The following CCDC148 variants were observed in gnomAD, a reference collection of about 807,000 sequenced individuals.
CCDC148 encodes coiled-coil domain-containing protein 148.
In CCDC148, 89 loss-of-function variants were observed where a neutral mutation model predicts 85.7. The ratio of observed to expected loss-of-function variants is 1.04; its 90% CI spans 0.87 to 1.24. The LOEUF (loss-of-function observed/expected upper bound fraction) is 1.24, where lower values mean the gene tolerates loss of function less well. Ranked by LOEUF, CCDC148 falls within the 50% of genes most tolerant of loss-of-function variation. CCDC148 has a pLI of 0.00. For synonymous variants in CCDC148, 230 were observed against 213.9 expected (o/e 1.08, Z -0.66); for missense variants, 692 against 671.7 (o/e 1.03, Z -0.33).
At chr2:158,228,936 G>C (rs1687707180) in intron 10 of CCDC148, among the ~76,000 whole-genome samples, 1 of 147,524 alleles carries the variant, frequency 6.8e-6, no homozygotes, top group African/African-American at 2.5e-5. Flanking sequence ...TTGTGCACAT[G>C]TACCATAAAA....
Position 158,305,513 on chromosome 2 carries a change from A to G in CCDC148, c.1110+3920T>C, listed in dbSNP as rs986416386. The stretch of plus-strand genomic sequence containing the variant: ...GCAATCTCCGTGCTTTGGGAAGCCA[A>G]CGCAGGAAGATTGCTTGAGGCCAGA... On this transcript the variant is annotated intron_variant, in intron 9 of 13. Transcript: ENST00000283233. Among the ~76,000 whole-genome samples the G allele has an allele frequency of 3.9e-4, 60 of 152,156 alleles. 2 individuals carry two copies. The highest frequency in any genetic ancestry group is 2.6e-4 in the Non-Finnish European group (18 of 68,024).
At chr2:158,343,508 T>C (rs1228676391) in intron 3 of CCDC148, among the ~76,000 whole-genome samples, 6 of 152,160 alleles carry the variant, frequency 3.9e-5, no homozygotes, top group African/African-American at 1.2e-4. Flanking sequence ...AATTGTGGCT[T>C]TTGCCCAACC....
chr2:158,195,939 G>T (rs1685648601), intron 11 of CCDC148, among the ~76,000 whole-genome samples: 1 of 152,070 alleles, frequency 6.6e-6, no homozygotes, highest in African/African-American at 2.4e-5. Context: ...TAGCACATCA[G>T]GTCTGTAACA....
chr2:158,351,586 G>T (rs576063027), intron 2 of CCDC148, among the ~76,000 whole-genome samples: 1 of 152,238 alleles, frequency 6.6e-6, no homozygotes, highest in Non-Finnish European at 1.5e-5. Context: ...TGCCCACGGA[G>T]TCTTGCTGAT....
At chr2:158,402,594 G>C (rs1275260087) in intron 1 of CCDC148, among the ~76,000 whole-genome samples, 1 of 151,950 alleles carries the variant, frequency 6.6e-6, no homozygotes, top group East Asian at 1.9e-4. Flanking sequence ...TTATAATGTG[G>C]TATACTTCCA....
intron 9 of CCDC148, among the ~76,000 whole-genome samples, chr2:158,273,911 G>A (rs974567382): frequency 2.6e-5 from 4 of 152,078 alleles, no homozygotes; most frequent in African/African-American, 4.8e-5. Context: ...GGATTCCAAC[G>A]TCAGCCACCG....
chr2:158,294,975 G>GC (rs1442799164), intron 9 of CCDC148, among the ~76,000 whole-genome samples: 1 of 151,928 alleles, frequency 6.6e-6, no homozygotes, highest in Non-Finnish European at 1.5e-5. Flanking sequence ...AATACTAATA[G>GC]CCCCCTGTGG....
At chr2:158,397,205 G>T (rs1383976036) in intron 1 of CCDC148, among the ~76,000 whole-genome samples, 1 of 151,934 alleles carries the variant, frequency 6.6e-6, no homozygotes, top group Admixed American at 6.6e-5. Flanking sequence ...CTATGGCATG[G>T]GGAGGATAAG....
intron 9 of CCDC148, among the ~76,000 whole-genome samples, chr2:158,252,462 T>C (rs1688832988): frequency 6.6e-6 from 1 of 151,728 alleles, no homozygotes; most frequent in African/African-American, 2.4e-5. Flanking sequence ...ATCTTTCACT[T>C]GCTACAATTA....
rs779360917 is a variant in CCDC148 at position 158,178,935 on chromosome 2, G to A, written c.1432C>T (p.Gln478Ter). 2 of 1,613,562 alleles carry A rather than the reference G, an allele frequency of 1.2e-6. No individual in the cohort carries two copies. The highest frequency in any genetic ancestry group is 8.5e-7 in the Non-Finnish European group (1 of 1,179,780). ...CTCTCTTTGTCTTCATGAGCTTCTT[G>A]AAGGGCCACTTCCTTTTTCTCCATC... The part of the protein sequence containing the change: ...RLMEKKEVAL[Q>*]EAHEDKERAR... The change falls in exon 12 of 14, where the codon CAA becomes TAA. Residue 478 changes from glutamine to a stop codon, truncating the protein, a stop_gained. Transcript: ENST00000283233. LOFTEE classifies it high-confidence loss of function.
At chr2:158,200,674 C>A (rs1230438230) in intron 11 of CCDC148, among the ~76,000 whole-genome samples, 2 of 152,204 alleles carry the variant, frequency 1.3e-5, no homozygotes, top group Non-Finnish European at 2.9e-5. Flanking sequence ...ATGAGGCACA[C>A]TGTCAGTTTG....
At chr2:158,195,882 C>T (rs1215219274) in intron 11 of CCDC148, among the ~76,000 whole-genome samples, 1 of 152,150 alleles carries the variant, frequency 6.6e-6, no homozygotes, top group Non-Finnish European at 1.5e-5. Context: ...TAGGATCTCA[C>T]TTCTGAATTT....
intron 9 of CCDC148, among the ~76,000 whole-genome samples, chr2:158,296,890 G>A (rs959547953): frequency 5.3e-5 from 8 of 152,150 alleles, no homozygotes; most frequent in Admixed American, 2.6e-4. Flanking sequence ...CTGTATAGAC[G>A]AAATGCCATC....
At chr2:158,340,189 G>A (rs1205275955) in intron 5 of CCDC148, 53 bp downstream of exon 5, 11 of 1,558,088 alleles carry the variant, frequency 7.1e-6, no homozygotes, top group Admixed American at 3.5e-5. Context: ...AACTCTTCTA[G>A]TTGGGACAAA....
At chr2:158,369,892 T>C (rs1559104617) in intron 1 of CCDC148, among the ~76,000 whole-genome samples, 1 of 152,182 alleles carries the variant, frequency 6.6e-6, no homozygotes, top group Non-Finnish European at 1.5e-5. Flanking sequence ...GGATGTTGAA[T>C]TTTATCGAAG....
chr2:158,248,025 G>A (rs1345747067), intron 10 of CCDC148, among the ~76,000 whole-genome samples: 5 of 152,060 alleles, frequency 3.3e-5, no homozygotes, highest in Non-Finnish European at 7.4e-5. Context: ...TAGGTTTTAA[G>A]CCCTGCATGC....
At chr2:158,361,740 T>A (rs1239154065) in intron 1 of CCDC148, among the ~76,000 whole-genome samples, 3 of 152,032 alleles carry the variant, frequency 2.0e-5, no homozygotes, top group Non-Finnish European at 2.9e-5. Context: ...GTAAAGACCA[T>A]CAGCACTACG....
At chr2:158,331,854 G>T (rs1452017824) in intron 7 of CCDC148, among the ~76,000 whole-genome samples, 1 of 152,086 alleles carries the variant, frequency 6.6e-6, no homozygotes, top group Non-Finnish European at 1.5e-5. Context: ...TTTTCCATTT[G>T]CTTGGTAGAT....
At chr2:158,319,189 C>G (rs1487098227) in intron 7 of CCDC148, among the ~76,000 whole-genome samples, 1 of 152,190 alleles carries the variant, frequency 6.6e-6, no homozygotes, top group African/African-American at 2.4e-5. Context: ...GCTCCCACCC[C>G]TGCTCCTGCC....
Sources: gnomAD v4.1 joint callset for allele counts (sites outside exome capture counted in the v4.1 genomes callset) on GRCh38, gnomAD v4.1.1 for gene constraint, MANE v1.5 for transcripts, NCBI Gene and HGNC (gene_info 2026-07-23, HGNC 2026-07-21) for gene names.